PLEKHA7: variants seen among roughly 807,000 people sequenced by gnomAD.
PLEKHA7 encodes the protein pleckstrin homology domain containing A7.
Under a neutral mutation model 170.0 loss-of-function variants are expected in PLEKHA7, and 104 were observed. The observed-to-expected ratio is 0.61, with a 90% CI of 0.52 to 0.72. The LOEUF is 0.72. Among genes scored for constraint, PLEKHA7 ranks in the 30% least tolerant of loss-of-function variants. PLEKHA7 has a pLI of 0.00. For missense variants in PLEKHA7, 1,615 were observed against 1,671.7 expected, an observed-to-expected ratio of 0.97 and a Z score of 0.59; for synonymous variants, 648 against 660.8, an observed-to-expected ratio of 0.98 and a Z score of 0.30.
rs778101951 is a variant in PLEKHA7 at position 16,801,175 on chromosome 11, G to A, written c.2308-100C>T. 2.1e-5 allele frequency: 21 copies of A among 1,015,990 alleles called. No homozygotes were observed. The Admixed American group carries it at 2.8e-4, about 13-fold the overall frequency. The allele number at this position is 1,015,990 out of a possible 1,614,324, so 62.9% of individuals were successfully genotyped here. Reference sequence around the variant, plus strand: ...CCTGACCATGCTGACCCAGCCAGGGGAAGAGGGAAGGAGACCGGGCAGGCC... The same window carrying A: ...CCTGACCATGCTGACCCAGCCAGGGAAAGAGGGAAGGAGACCGGGCAGGCC... On this transcript the variant is annotated intron_variant, in intron 16 of 26. Coordinates refer to ENST00000531066, the MANE Select transcript of PLEKHA7 (RefSeq NM_001329630.2).
intron 3 of PLEKHA7, among the ~76,000 whole-genome samples, chr11:16,977,938 C>A (rs1008821324): frequency 3.9e-5 from 6 of 152,172 alleles, no homozygotes; most frequent in African/African-American, 1.4e-4. Flanking sequence ...AGGGGCCCAG[C>A]ACCCAGCAGA....
At chr11:16,968,544 C>A (rs1350015868) in intron 3 of PLEKHA7, among the ~76,000 whole-genome samples, 2 of 152,226 alleles carry the variant, frequency 1.3e-5, no homozygotes, top group Admixed American at 1.3e-4. Context: ...TCACCCCATG[C>A]CACATCAGAT....
Position 16,813,148 on chromosome 11 carries a change from G to A in PLEKHA7, c.1972C>T (p.Gln658Ter), listed in dbSNP as rs1425870827. ...AGGTACTCCAGGTCTTTCTTCAGCT[G>A]GAGGTAGGTATCATCAGCCTTCAAA... The part of the protein sequence containing the change: ...HGKSADDTYL[Q>*]LKKDLEYLDL... Residue 658 changes from glutamine (Q) to a stop codon, truncating the protein, a stop_gained, in exon 13 of 27, where the codon CAG becomes TAG. Transcript: ENST00000531066. LOFTEE classifies it high-confidence loss of function. 1 of 1,613,720 alleles carries A rather than the reference G, an allele frequency of 6.2e-7. No individual in the cohort carries two copies. Among genetic ancestry groups the A allele is most frequent in the Admixed American group, 1.7e-5 (1 of 60,016 alleles).
At chr11:16,793,790 A>G (rs1848021642) in intron 19 of PLEKHA7, among the ~76,000 whole-genome samples, 1 of 152,198 alleles carries the variant, frequency 6.6e-6, no homozygotes, top group South Asian at 2.1e-4. Context: ...AGGCAAACCA[A>G]GGTGCTGGCC....
intron 4 of PLEKHA7, among the ~76,000 whole-genome samples, chr11:16,858,743 C>T (rs1853686989): frequency 6.6e-6 from 1 of 152,106 alleles, no homozygotes; most frequent in African/African-American, 2.4e-5. Flanking sequence ...CCACCTGCCT[C>T]GGCCTCCCAA....
chr11:16,885,505 T>A (rs1004830526), intron 3 of PLEKHA7, among the ~76,000 whole-genome samples: 4 of 145,694 alleles, frequency 2.7e-5, no homozygotes, highest in Admixed American at 7.0e-5. Flanking sequence ...CTAAAAAAAA[T>A]ATATATATAT....
At position 16,790,676 on chromosome 11, in the gene PLEKHA7, CT is replaced by C; in HGVS notation, c.3052+121del. On this transcript the variant is annotated intron_variant, in intron 21 of 26. Transcript: ENST00000531066. ...CTCCCTCTTGGCATCCCAGACCCCC[CT>C]GACAGCTGCTGCTCACTCCTAGGCC... 3 of 972,680 alleles carry C rather than the reference CT, an allele frequency of 3.1e-6. No homozygotes were observed. The South Asian group carries it at 5.1e-5, about 17-fold the overall frequency. 60.3% of individuals were successfully genotyped at this position (972,680 alleles called of 1,614,324 possible). A position where few individuals can be genotyped will look rare whatever the true frequency, so the allele number is the denominator to read the frequency against.
Position 16,794,345 on chromosome 11 carries a change from T to C in PLEKHA7, c.2745+143A>G, listed in dbSNP as rs1564915927. 3.9e-6 allele frequency: 3 copies of C among 776,982 alleles called. No homozygotes were observed. In the South Asian group the frequency reaches 4.5e-5, roughly 12 times the overall value. 48.1% of individuals were successfully genotyped at this position (776,982 alleles called of 1,614,324 possible). ...ACAATAGCAGGGAAATACTACTTTT[T>C]AACTGCTTGTGACTAAGGACTCCTT... On this transcript the variant is annotated intron_variant, in intron 19 of 26. Transcript: ENST00000531066.
intron 3 of PLEKHA7, among the ~76,000 whole-genome samples, chr11:16,916,456 T>C (rs1858687095): frequency 1.3e-5 from 2 of 152,170 alleles, no homozygotes; most frequent in Admixed American, 6.5e-5. Context: ...CTGTGTGCTG[T>C]TGGGCCTGAT....
At chr11:16,782,731 T>C in intron 26 of PLEKHA7, 23 bp downstream of exon 26, 2 of 1,535,332 alleles carry the variant, frequency 1.3e-6, no homozygotes, top group Admixed American at 3.9e-5. Flanking sequence ...ATCCAGGCCT[T>C]GGGGGCTGGG....
chr11:16,870,891 A>T (rs1451856905), intron 4 of PLEKHA7, among the ~76,000 whole-genome samples: 1 of 152,190 alleles, frequency 6.6e-6, no homozygotes, highest in Non-Finnish European at 1.5e-5. Context: ...ACATCCCTGT[A>T]TCAACTCTCC....
intron 9 of PLEKHA7, among the ~76,000 whole-genome samples, chr11:16,841,038 G>A (rs1564993953): frequency 6.6e-6 from 1 of 152,010 alleles, no homozygotes; most frequent in Non-Finnish European, 1.5e-5. Context: ...ACTTTTTCAG[G>A]GCCACTCTGA....
chr11:16,935,174 C>A (rs1486546727), intron 3 of PLEKHA7, among the ~76,000 whole-genome samples: 1 of 152,250 alleles, frequency 6.6e-6, no homozygotes, highest in African/African-American at 2.4e-5. Flanking sequence ...GTGGCTCACG[C>A]CTGTAATCCC....
rs183911579 is a variant in PLEKHA7, at chr11:16,816,561, G to A, written c.1866+239C>T. Among the ~76,000 whole-genome samples the A allele has an allele frequency of 3.9e-5, 6 of 152,302 alleles. No individual in the cohort carries two copies. The East Asian group carries it at 7.7e-4, about 20-fold the overall frequency. The stretch of plus-strand genomic sequence containing the variant: ...CCTGTGCAAGTTACTTTGTCTCTCA[G>A]CGCCTCAGAGTTCTCATCTTTGAAA... On this transcript the variant is annotated intron_variant, in intron 11 of 26. Transcript: ENST00000531066.
At chr11:16,882,793 C>G (rs1590452025) in intron 3 of PLEKHA7, among the ~76,000 whole-genome samples, 1 of 152,002 alleles carries the variant, frequency 6.6e-6, no homozygotes, top group East Asian at 1.9e-4. Context: ...AGCTTATAAT[C>G]CAATAGAATA....
chr11:16,851,337 C>G, intron 7 of PLEKHA7, 46 bp from the exon 8 acceptor site: 1 of 1,434,146 alleles, frequency 7.0e-7, no homozygotes, highest in Non-Finnish European at 9.6e-7. Context: ...GGCAGTTTCC[C>G]TGGGCTCATC....
At chr11:16,985,709 C>T (rs927642608) in intron 3 of PLEKHA7, among the ~76,000 whole-genome samples, 2 of 152,224 alleles carry the variant, frequency 1.3e-5, no homozygotes, top group African/African-American at 4.8e-5. Context: ...ATATGTGAAT[C>T]AATCAAACAT....
At chr11:16,856,189 C>T in intron 4 of PLEKHA7, among the ~76,000 whole-genome samples, 1 of 152,158 alleles carries the variant, frequency 6.6e-6, no homozygotes, top group East Asian at 1.9e-4. Context: ...GTCTGGAAGT[C>T]CCCACACTCA....
chr11:16,816,909 C>T lies in PLEKHA7; in HGVS notation c.1757G>A (p.Arg586Gln), dbSNP rs754553411. ...PGPPRVFPPR[R>Q]PHTPAERVTV... ...GACTCGCTCTGCTGGTGTGTGTGGC[C>T]GCCGGGGTGGGAAGACCCTTGGGGG... Residue 586 changes from arginine to glutamine, a missense_variant, in exon 11 of 27, where the codon CGG becomes CAG. By Grantham distance (43) the Arg-to-Gln change is conservative (BLOSUM62 1). Coordinates refer to ENST00000531066, the MANE Select transcript of PLEKHA7 (RefSeq NM_001329630.2). 6.2e-6 allele frequency: 10 copies of T among 1,613,988 alleles called. No individual in the cohort carries two copies. The highest frequency in any genetic ancestry group is 1.7e-5 in the Admixed American group (1 of 60,002).
Sources: allele counts gnomAD v4.1 joint callset (sites outside exome capture counted in the v4.1 genomes callset), GRCh38; gene constraint gnomAD v4.1.1; transcripts MANE v1.5; gene names NCBI Gene and HGNC (gene_info 2026-07-23, HGNC 2026-07-21).